The following YEATS2 variants were observed in gnomAD, a reference collection of about 807,000 sequenced individuals.
The protein encoded by YEATS2 is YEATS domain-containing protein 2.
Under a neutral mutation model 163.2 loss-of-function variants are expected in YEATS2, and 77 were observed. That is an observed-to-expected ratio of 0.47 (90% CI 0.39 to 0.57). The LOEUF is 0.57. YEATS2 is among the 20% of genes least tolerant of loss of function. The pLI is 0.00. For missense variants in YEATS2, 1,549 were observed against 1,729.8 expected (o/e 0.90, Z 1.85); for synonymous variants, 631 against 645.1 (o/e 0.98, Z 0.33).
chr3:183,757,000 A>G (rs1720841053), intron 12 of YEATS2, among the ~76,000 whole-genome samples: 1 of 152,192 alleles, frequency 6.6e-6, no homozygotes, highest in Non-Finnish European at 1.5e-5. Context: ...GACTGTAAGC[A>G]ATGTGGTTAC....
At chr3:183,804,701 C>T (rs967480684) in intron 27 of YEATS2, among the ~76,000 whole-genome samples, 1 of 152,178 alleles carries the variant, frequency 6.6e-6, no homozygotes, top group Non-Finnish European at 1.5e-5. Flanking sequence ...AAAAACAGAC[C>T]ACTGGGCCGG....
intron 1 of YEATS2, among the ~76,000 whole-genome samples, chr3:183,711,826 T>TC (rs1715254097): frequency 1.3e-5 from 2 of 151,726 alleles, no homozygotes; most frequent in Middle Eastern, 3.4e-3. Flanking sequence ...TTTTTTTTTT[T>TC]CTTTGTTTTT....
intron 8 of YEATS2, among the ~76,000 whole-genome samples, chr3:183,740,261 AAAAC>A (rs1322793311): frequency 1.7e-4 from 26 of 152,164 alleles, no homozygotes; most frequent in East Asian, 1.4e-3. Flanking sequence ...TTACAAGAAA[AAAAC>A]AAACAACCCC....
At chr3:183,764,123 G>A (rs1214872353) in intron 15 of YEATS2, among the ~76,000 whole-genome samples, 1 of 152,052 alleles carries the variant, frequency 6.6e-6, no homozygotes, top group Non-Finnish European at 1.5e-5. Context: ...CGTAATCCCA[G>A]CACTTTGAGA....
intron 8 of YEATS2, among the ~76,000 whole-genome samples, chr3:183,742,239 A>G (rs1354814124): frequency 6.6e-6 from 1 of 152,132 alleles, no homozygotes; most frequent in African/African-American, 2.4e-5. Context: ...AAAAAAGGAA[A>G]AAAATATATT....
chr3:183,704,249 CT>C (rs1168960756), intron 1 of YEATS2, among the ~76,000 whole-genome samples: 2 of 151,604 alleles, frequency 1.3e-5, no homozygotes, highest in Non-Finnish European at 2.9e-5. Context: ...AGGATTTAGC[CT>C]TTGTTCGTTC....
At chr3:183,717,538 G>A (rs1408110167) in intron 2 of YEATS2, 113 bp from the exon 3 acceptor site, 10 of 739,360 alleles carry the variant, frequency 1.4e-5, no homozygotes, top group Middle Eastern at 4.9e-4. Context: ...TGTCCACTAG[G>A]TTTCTCCACT....
At chr3:183,777,811 T>C in intron 19 of YEATS2, 111 bp downstream of exon 19, 1 of 1,404,858 alleles carries the variant, frequency 7.1e-7, no homozygotes, top group Non-Finnish European at 9.5e-7. Context: ...CATAAGAAAA[T>C]GAACAATAAG....
intron 20 of YEATS2, among the ~76,000 whole-genome samples, chr3:183,789,923 T>C (rs898978012): frequency 6.6e-6 from 1 of 152,146 alleles, no homozygotes; most frequent in African/African-American, 2.4e-5. Context: ...CCTAGAAACA[T>C]TTGTTGAAAA....
intron 17 of YEATS2, among the ~76,000 whole-genome samples, 191 bp from the exon 18 acceptor site, chr3:183,775,724 T>A (rs1018042733): frequency 6.6e-6 from 1 of 152,210 alleles, no homozygotes; most frequent in Admixed American, 6.5e-5. Flanking sequence ...GAAATAGATT[T>A]TGATCTAAAA....
intron 20 of YEATS2, 55 bp downstream of exon 20, chr3:183,786,356 TA>T: frequency 6.5e-7 from 1 of 1,534,984 alleles, no homozygotes; most frequent in Admixed American, 1.8e-5. Flanking sequence ...GTGGTGTAGA[TA>T]CAAGGAAGGT....
At chr3:183,749,238 C>T (rs773357260) in intron 9 of YEATS2, among the ~76,000 whole-genome samples, 24 of 152,254 alleles carry the variant, frequency 1.6e-4, no homozygotes, top group Non-Finnish European at 2.8e-4. Flanking sequence ...CCATGGCGCC[C>T]GGCCGGTTCA....
rs1726507438 is a variant in YEATS2, at chr3:183,808,914, T to G, written c.4087-183T>G. 5.4e-6 allele frequency: 3 copies of G among 559,784 alleles called. No individual in the cohort carries two copies. The South Asian group carries it at 6.7e-5, about 13-fold the overall frequency. The allele number at this position is 559,784 out of a possible 1,614,324, so 34.7% of individuals were successfully genotyped here. ...AATGAAAATCACTCCAATTCATAAT[T>G]TCTCAGAATCATGGCCTTTATCATT... On this transcript the variant is annotated intron_variant, in intron 29 of 30. Transcript: ENST00000305135.
At chr3:183,713,396 A>G (rs926435909) in intron 1 of YEATS2, among the ~76,000 whole-genome samples, 6 of 152,122 alleles carry the variant, frequency 3.9e-5, no homozygotes, top group African/African-American at 9.7e-5. Context: ...AACCTTGTCT[A>G]TACAGAAATT....
intron 21 of YEATS2, among the ~76,000 whole-genome samples, chr3:183,797,518 A>C (rs1183479400): frequency 2.0e-5 from 3 of 149,994 alleles, no homozygotes; most frequent in Non-Finnish European, 1.5e-5. Flanking sequence ...GCGCTTTTCA[A>C]CCTGGGCAAC....
At chr3:183,728,915 A>G in intron 7 of YEATS2, 64 bp downstream of exon 7, 1 of 1,473,382 alleles carries the variant, frequency 6.8e-7, no homozygotes, top group Non-Finnish European at 9.2e-7. Flanking sequence ...GTGGAAGAAA[A>G]GTGATTTAAC....
intron 6 of YEATS2, among the ~76,000 whole-genome samples, chr3:183,725,041 C>CTTTTTTTTTTTTT (rs62826962): frequency 1.5e-4 from 13 of 87,500 alleles, no homozygotes; most frequent in Non-Finnish European, 1.7e-4. Flanking sequence ...CCGTGCCGGC[C>CTTTTTTTTTTTTT]TTTTTTTTTT....
chr3:183,706,011 C>T (rs1714580016), intron 1 of YEATS2, among the ~76,000 whole-genome samples: 1 of 151,566 alleles, frequency 6.6e-6, no homozygotes, highest in South Asian at 2.1e-4. Context: ...TGCACTCCAT[C>T]CTGGGTGACA....
At chr3:183,803,558 G>C in intron 26 of YEATS2, 1 of 581,912 alleles carries the variant, frequency 1.7e-6, no homozygotes, top group Non-Finnish European at 3.0e-6. Context: ...ATTTTTTTCT[G>C]AGTTTCAGAG....
Sources: allele counts gnomAD v4.1 joint callset (sites outside exome capture counted in the v4.1 genomes callset), GRCh38; gene constraint gnomAD v4.1.1; transcripts MANE v1.5; gene names NCBI Gene and HGNC (gene_info 2026-07-23, HGNC 2026-07-21).